Variants in SYNE1 observed in about 807,000 individuals in gnomAD.
SYNE1 encodes spectrin repeat containing nuclear envelope protein 1.
A neutral mutation model predicts 1,111.0 loss-of-function variants in SYNE1; 616 were observed. The observed-to-expected ratio is 0.55, with a 90% CI of 0.52 to 0.59. SYNE1 has a LOEUF of 0.59. SYNE1 is among the 20% of genes least tolerant of loss of function. SYNE1 has a pLI of 0.00. For missense variants in SYNE1, 10,006 were observed against 10,417.0 expected, an observed-to-expected ratio of 0.96 and a Z score of 1.72; for synonymous variants, 3,855 against 3,825.8, an observed-to-expected ratio of 1.01 and a Z score of -0.28.
chr6:152,416,593 G>C lies in SYNE1; in HGVS notation c.5844C>G (p.Cys1948Trp). ...CACAGAGCTGATCAGCCGTGGCTCTGCAGGAAGTCCTTTGCTCAGAGCTCC... is the reference window on the plus strand; with the variant it reads ...CACAGAGCTGATCAGCCGTGGCTCTCCAGGAAGTCCTTTGCTCAGAGCTCC... ...KIGSSEQRTSCRATADQLCGE... is the reference protein window; with the variant it reads ...KIGSSEQRTSWRATADQLCGE... Residue 1948 changes from cysteine to tryptophan, a missense_variant, in exon 41 of 146, where the codon TGC (cysteine) becomes TGG (tryptophan). Around this residue, in one of 7 missense-constraint regions of SYNE1, gnomAD observed 4,955 missense variants for 5,017.2 expected, o/e 0.99. Transcript: ENST00000367255. 1 of 1,614,104 alleles carries C rather than the reference G, an allele frequency of 6.2e-7. No homozygotes were observed. The highest frequency in any genetic ancestry group is 1.3e-5 in the African/African-American group (1 of 75,016).
chr6:152,635,589 CT>C (rs778877423), intron 2 of SYNE1, among the ~76,000 whole-genome samples: 13 of 152,156 alleles, frequency 8.5e-5, no homozygotes, highest in Non-Finnish European at 1.9e-4. Flanking sequence ...TATTAATGAC[CT>C]TTGCCTCATT....
intron 91 of SYNE1, among the ~76,000 whole-genome samples, chr6:152,303,095 A>C (rs930033573): frequency 2.6e-5 from 3 of 114,400 alleles, no homozygotes; most frequent in African/African-American, 9.7e-5. Flanking sequence ...CAAAACTATT[A>C]TTCTTTTTTT....
rs898996271 is a variant in SYNE1, at chr6:152,417,005, G to T, written c.5432C>A (p.Ala1811Glu). 2 of 1,614,064 alleles carry T rather than the reference G, an allele frequency of 1.2e-6. No individual in the cohort carries two copies. Among genetic ancestry groups the T allele is most frequent in the South Asian group, 2.2e-5 (2 of 91,084 alleles). The part of the protein sequence containing the change: ...VALTRHKDHA[A>E]EVESKKGELQ... The stretch of plus-strand genomic sequence containing the variant: ...TTCGCCCTTTTTGCTCTCTACTTCT[G>T]CTGCGTGGTCCTGGAAGGGAAGAGA... The change falls in exon 41 of 146, where the codon GCA (alanine) becomes GAA (glutamate). Residue 1811 changes from alanine to glutamate, a missense_variant. By Grantham distance (107) the Ala-to-Glu change is moderately radical. Around this residue, in one of 7 missense-constraint regions of SYNE1, gnomAD observed 4,955 missense variants for 5,017.2 expected, o/e 0.99. Coordinates refer to ENST00000367255, the MANE Select transcript of SYNE1 (RefSeq NM_182961.4).
chr6:152,157,625 C>A (rs1274469390), intron 131 of SYNE1, among the ~76,000 whole-genome samples: 2 of 152,154 alleles, frequency 1.3e-5, no homozygotes, highest in Non-Finnish European at 2.9e-5. Context: ...ACCCCAAATA[C>A]CCTGACTTGA....
chr6:152,169,798 C>CA (rs199833439), intron 130 of SYNE1, among the ~76,000 whole-genome samples: 3,424 of 133,880 alleles, frequency 0.026, 134 homozygotes, highest in African/African-American at 0.087. Flanking sequence ...AACCCAATCT[C>CA]AAAAAAAAAA....
At position 152,304,835 on chromosome 6, in the gene SYNE1, C is replaced by T. The variant is rs76359840; in HGVS notation, c.17347-2772G>A. On this transcript the variant is annotated intron_variant, in intron 91 of 145. Coordinates refer to ENST00000367255, the MANE Select transcript of SYNE1 (RefSeq NM_182961.4). Reference sequence around the variant, plus strand: ...TTAAAAAATGCAACTCTGGTCACCACTTCCAAAGGTTCTGATTTACCAGGT... The same window carrying T: ...TTAAAAAATGCAACTCTGGTCACCATTTCCAAAGGTTCTGATTTACCAGGT... Among the ~76,000 whole-genome samples the T allele has an allele frequency of 6.1e-3, 933 of 152,298 alleles. 5 individuals carry two copies. Among genetic ancestry groups the T allele is most frequent in the Non-Finnish European group, 8.4e-3 (570 of 68,028 alleles).
chr6:152,186,240 T>C (rs1331109755), intron 128 of SYNE1, among the ~76,000 whole-genome samples: 1 of 152,018 alleles, frequency 6.6e-6, no homozygotes, highest in Non-Finnish European at 1.5e-5. Flanking sequence ...AGTTGTGGAA[T>C]GTAAAAGAAA....
chr6:152,363,053 T>C (rs2096962991), intron 63 of SYNE1, among the ~76,000 whole-genome samples: 1 of 151,424 alleles, frequency 6.6e-6, no homozygotes, highest in East Asian at 2.0e-4. Context: ...GCTAATTTTT[T>C]TGTACTTTTG....
intron 14 of SYNE1, 143 bp from the exon 15 acceptor site, chr6:152,472,556 G>T: frequency 1.3e-6 from 1 of 767,710 alleles, no homozygotes; most frequent in Non-Finnish European, 2.3e-6. Context: ...CTTGGTGCCT[G>T]TCAAAGGCTC....
intron 3 of SYNE1, among the ~76,000 whole-genome samples, chr6:152,549,142 C>CT (rs2099328399): frequency 6.6e-6 from 1 of 152,214 alleles, no homozygotes; most frequent in South Asian, 2.1e-4. Context: ...AGTCAACAAA[C>CT]TGAGGCCTAA....
chr6:152,202,128 C>G (rs1033490133), intron 126 of SYNE1, among the ~76,000 whole-genome samples, 179 bp from the exon 127 acceptor site: 1 of 151,980 alleles, frequency 6.6e-6, no homozygotes, highest in Admixed American at 6.6e-5. Flanking sequence ...GGGTGGATCA[C>G]TCGAGGTCAG....
At chr6:152,179,673 CTTTTTTTTTTTT>C (rs796260764) in intron 129 of SYNE1, among the ~76,000 whole-genome samples, 36 of 55,102 alleles carry the variant, frequency 6.5e-4, no homozygotes, top group Middle Eastern at 0.012. Context: ...GCTGGATATC[CTTTTTTTTTTTT>C]TTTTTTTTTT....
intron 3 of SYNE1, among the ~76,000 whole-genome samples, chr6:152,573,651 T>C (rs999203915): frequency 2.0e-5 from 3 of 152,162 alleles, no homozygotes; most frequent in African/African-American, 7.2e-5. Flanking sequence ...GTCAAGAATG[T>C]AATATTGGGA....
At chr6:152,634,233 C>A (rs547340562) in intron 2 of SYNE1, among the ~76,000 whole-genome samples, 2 of 152,152 alleles carry the variant, frequency 1.3e-5, no homozygotes, top group African/African-American at 4.8e-5. Context: ...CCAGAGACAA[C>A]GTGGCTCATT....
At chr6:152,218,551 A>T in intron 120 of SYNE1, 148 bp from the exon 121 acceptor site, 1 of 889,696 alleles carries the variant, frequency 1.1e-6, no homozygotes, top group African/African-American at 1.7e-5. Flanking sequence ...CCTATAAAAA[A>T]AGCTATAACA....
At chr6:152,531,471 T>C (rs6917155) in intron 4 of SYNE1, among the ~76,000 whole-genome samples, 1 of 152,190 alleles carries the variant, frequency 6.6e-6, no homozygotes, top group East Asian at 1.9e-4. Context: ...CCCTTTTGAA[T>C]GTAGTTTAAC....
At chr6:152,518,896 T>C (rs938678023) in intron 6 of SYNE1, among the ~76,000 whole-genome samples, 3 of 151,312 alleles carry the variant, frequency 2.0e-5, no homozygotes. Flanking sequence ...AGCACAGATA[T>C]ATGTATATAT....
intron 127 of SYNE1, among the ~76,000 whole-genome samples, chr6:152,195,055 G>C (rs1173229037): frequency 1.3e-5 from 2 of 152,070 alleles, no homozygotes; most frequent in East Asian, 3.9e-4. Context: ...TGAGCAGCTT[G>C]GATTACACAC....
intron 142 of SYNE1, 47 bp downstream of exon 142, chr6:152,135,057 A>C (rs1336520944): frequency 1.2e-6 from 2 of 1,613,762 alleles, no homozygotes; most frequent in Non-Finnish European, 1.7e-6. Context: ...AATGAAATGC[A>C]ACCCTGCTAA....
Sources: gnomAD v4.1 joint callset for allele counts (sites outside exome capture counted in the v4.1 genomes callset) on GRCh38, gnomAD v4.1.1 for gene constraint, gnomAD v4.1.1 regional missense constraint, MANE v1.5 for transcripts, NCBI Gene and HGNC (gene_info 2026-07-23, HGNC 2026-07-21) for gene names.